MPP7: variants seen among roughly 807,000 people sequenced by gnomAD.
MPP7 encodes MAGUK p55 subfamily member 7.
In MPP7, 60 loss-of-function variants were observed where a neutral mutation model predicts 76.5. The ratio of observed to expected loss-of-function variants is 0.78; its 90% confidence interval spans 0.64 to 0.97. MPP7 has a LOEUF of 0.97. Ranked by LOEUF, MPP7 falls within the 50% of genes least tolerant of loss-of-function variation. MPP7 has a pLI of 0.00. For missense variants in MPP7, 641 were observed against 694.0 expected (o/e 0.92, Z 0.86); for synonymous variants, 237 against 244.5 (o/e 0.97, Z 0.29).
At chr10:28,087,020 T>A (rs1233116279) in intron 12 of MPP7, among the ~76,000 whole-genome samples, 2 of 152,172 alleles carry the variant, frequency 1.3e-5, no homozygotes, top group African/African-American at 4.8e-5. Context: ...CGTGTTGAAA[T>A]TTGATCCCAG....
intron 5 of MPP7, among the ~76,000 whole-genome samples, chr10:28,133,224 A>C (rs1282556016): frequency 6.6e-6 from 1 of 152,214 alleles, no homozygotes. Context: ...TGCAATTCAC[A>C]GTGTAGCCAG....
rs80017113 is a variant in MPP7, at chr10:28,274,388, C to T, written c.-132+28473G>A. ...TGCTGGGATTACAGGCATAAGCCAC[C>T]GCGCCCGGCCAAAATTTTTTTAAAA... On this transcript the variant is annotated intron_variant, in intron 1 of 16. Transcript: ENST00000683449. Among the ~76,000 whole-genome samples the T allele has an allele frequency of 1.5e-3, 228 of 151,968 alleles. 3 individuals carry two copies. The East Asian group carries it at 0.04, about 27-fold the overall frequency.
intron 15 of MPP7, chr10:28,057,682 G>A: frequency 1.6e-6 from 2 of 1,237,496 alleles, no homozygotes; most frequent in South Asian, 1.3e-5. Flanking sequence ...GTGCAACAAG[G>A]GACTAACACA....
intron 2 of MPP7, among the ~76,000 whole-genome samples, chr10:28,232,503 C>T (rs922081913): frequency 1.3e-5 from 2 of 151,986 alleles, no homozygotes; most frequent in Non-Finnish European, 2.9e-5. Context: ...GAAGAAAAAG[C>T]TTTATGGAGG....
At chr10:28,129,798 C>T (rs999525283) in intron 6 of MPP7, among the ~76,000 whole-genome samples, 4 of 151,936 alleles carry the variant, frequency 2.6e-5, no homozygotes, top group Non-Finnish European at 5.9e-5. Flanking sequence ...GATATAAATC[C>T]CTTGGGATTC....
chr10:28,153,099 T>A (rs1336011627), intron 3 of MPP7, among the ~76,000 whole-genome samples: 1 of 151,658 alleles, frequency 6.6e-6, no homozygotes, highest in African/African-American at 2.4e-5. Flanking sequence ...ACTAAAAATA[T>A]GAAAATCACC....
At chr10:28,245,335 T>G (rs781699944) in intron 1 of MPP7, among the ~76,000 whole-genome samples, 1 of 152,140 alleles carries the variant, frequency 6.6e-6, no homozygotes, top group Non-Finnish European at 1.5e-5. Context: ...AATTCTACAT[T>G]TTTTTGTTCA....
At chr10:28,177,389 C>T (rs933233073) in intron 3 of MPP7, among the ~76,000 whole-genome samples, 7 of 149,422 alleles carry the variant, frequency 4.7e-5, no homozygotes, top group East Asian at 2.0e-4. Context: ...GCCTGGGCAA[C>T]GCAGTGAGAC....
chr10:28,119,157 G>C, intron 11 of MPP7: 2 of 699,184 alleles, frequency 2.9e-6, no homozygotes, highest in Non-Finnish European at 3.5e-6. Context: ...TTTTAATCTA[G>C]TCTGGTAATA....
chr10:28,089,993 C>T, intron 11 of MPP7, 152 bp from the exon 12 acceptor site: 1 of 556,224 alleles, frequency 1.8e-6, no homozygotes, highest in Non-Finnish European at 3.1e-6. Flanking sequence ...CAGGGTCTCA[C>T]TCTGTTGCCC....
intron 1 of MPP7, among the ~76,000 whole-genome samples, chr10:28,297,144 A>C (rs1841053732): frequency 6.6e-6 from 1 of 152,242 alleles, no homozygotes; most frequent in South Asian, 2.1e-4. Flanking sequence ...ACACTGCAAT[A>C]AGGTAACAGA....
chr10:28,092,572 G>T, intron 11 of MPP7, among the ~76,000 whole-genome samples: 1 of 110,538 alleles, frequency 9.0e-6, no homozygotes, highest in Non-Finnish European at 1.7e-5. Context: ...ACCCAGAAAA[G>T]GGACCTTTTT....
At chr10:28,162,757 A>G (rs1460651664) in intron 3 of MPP7, among the ~76,000 whole-genome samples, 2 of 152,198 alleles carry the variant, frequency 1.3e-5, no homozygotes, top group African/African-American at 2.4e-5. Flanking sequence ...TGAAATATTC[A>G]GACAAAAGTG....
Position 28,120,217 on chromosome 10 carries a change from G to A in MPP7, c.864C>T (p.Ile288=). 1.2e-6 allele frequency: 2 copies of A among 1,613,922 alleles called. No homozygotes were observed. The highest frequency in any genetic ancestry group is 1.7e-6 in the Non-Finnish European group (2 of 1,179,880). Residue 288 remains isoleucine, a synonymous_variant, in exon 10 of 17, where the codon ATC becomes ATT. Transcript: ENST00000683449. ...ACCTTTCCTGGAAATGCTTTGAGGGGATCAAGCCTGCCCTGGGGTTGGCAT... is the reference window on the plus strand; with the variant it reads ...ACCTTTCCTGGAAATGCTTTGAGGGAATCAAGCCTGCCCTGGGGTTGGCAT... ...EADANPRAGL[I]PSKHFQERRL...
At chr10:28,089,565 G>T in intron 12 of MPP7, 106 bp downstream of exon 12, 1 of 999,272 alleles carries the variant, frequency 1.0e-6, no homozygotes, top group East Asian at 2.5e-5. Flanking sequence ...GGTGTTGAAG[G>T]GGAGGAGATT....
At chr10:28,125,749 G>C (rs188383985) in intron 6 of MPP7, among the ~76,000 whole-genome samples, 158 of 152,294 alleles carry the variant, frequency 1.0e-3, no homozygotes, top group Non-Finnish European at 1.7e-3. Context: ...TAGTGAACTA[G>C]GATTGTAACT....
chr10:28,232,928 T>C (rs1313194582), intron 2 of MPP7, among the ~76,000 whole-genome samples: 1 of 152,222 alleles, frequency 6.6e-6, no homozygotes, highest in African/African-American at 2.4e-5. Flanking sequence ...TTTATGTGCA[T>C]TTCTGTACCT....
chr10:28,118,260 A>G, intron 11 of MPP7: 1 of 985,182 alleles, frequency 1.0e-6, no homozygotes, highest in Non-Finnish European at 1.2e-6. Context: ...ATTAAAAAGC[A>G]AAATATCCCT....
At chr10:28,175,119 A>G (rs112146172) in intron 3 of MPP7, among the ~76,000 whole-genome samples, 4,703 of 152,080 alleles carry the variant, frequency 0.031, 93 homozygotes, top group South Asian at 0.06. Context: ...GCAAAACCCC[A>G]TCTCTACTAA....
Sources: allele counts gnomAD v4.1 joint callset (sites outside exome capture counted in the v4.1 genomes callset), GRCh38; gene constraint gnomAD v4.1.1; transcripts MANE v1.5; gene names NCBI Gene and HGNC (gene_info 2026-07-23, HGNC 2026-07-21).